Variants in PHF24 observed in about 807,000 individuals in gnomAD.
PHF24 encodes PHD finger protein 24.
PHF24 carries 25 observed loss-of-function variants against 42.6 expected under a neutral mutation model. The ratio of observed to expected loss-of-function variants is 0.59; its 90% CI spans 0.43 to 0.82. The LOEUF (loss-of-function observed/expected upper bound fraction) is 0.82. Ranked by LOEUF, PHF24 falls within the 40% of genes least tolerant of loss-of-function variation. The pLI is 0.00. For synonymous variants in PHF24, 185 were observed against 204.8 expected (o/e 0.90, Z 0.83); for missense variants, 470 against 538.1 (o/e 0.87, Z 1.25).
chr9:34,842,930 G>A, the PHF24 span, among the ~76,000 whole-genome samples: 1 of 152,200 alleles, frequency 6.6e-6, no homozygotes, highest in Non-Finnish European at 1.5e-5. Flanking sequence ...ATGTGTAATG[G>A]TATCACTTTG....
chr9:34,825,819 C>T, the PHF24 span, among the ~76,000 whole-genome samples: 4 of 152,096 alleles, frequency 2.6e-5, no homozygotes, highest in Admixed American at 2.0e-4. Context: ...GGCCCCTCAC[C>T]GTATCTTCCC....
At chr9:34,959,814 A>C (rs972671485) in intron 1 of PHF24, among the ~76,000 whole-genome samples, 1 of 152,138 alleles carries the variant, frequency 6.6e-6, no homozygotes, top group African/African-American at 2.4e-5. Flanking sequence ...GAGTGTCCCA[A>C]GACCACCCTA....
At chr9:34,692,909 C>T in the PHF24 span, among the ~76,000 whole-genome samples, 60 of 151,410 alleles carry the variant, frequency 4.0e-4, no homozygotes, top group African/African-American at 1.4e-3. Context: ...GCCTCAGCCT[C>T]CTGAGTAGCT....
At chr9:34,718,327 C>G in the PHF24 span, among the ~76,000 whole-genome samples, 1 of 152,204 alleles carries the variant, frequency 6.6e-6, no homozygotes, top group African/African-American at 2.4e-5. Context: ...CCTTCCCAGG[C>G]CCCCCTCTCC....
At chr9:34,939,144 G>A in the PHF24 span, among the ~76,000 whole-genome samples, 3 of 152,068 alleles carry the variant, frequency 2.0e-5, no homozygotes, top group East Asian at 1.9e-4. Context: ...ACCGGCCGTG[G>A]TGGCGCATGC....
chr9:34,673,502 G>A, the PHF24 span, among the ~76,000 whole-genome samples: 2 of 151,750 alleles, frequency 1.3e-5, no homozygotes, highest in African/African-American at 4.8e-5. Context: ...ATGGAGCCTC[G>A]CTCTGTTGCC....
At chr9:34,709,674 G>T in the PHF24 span, 1 of 1,613,846 alleles carries the variant, frequency 6.2e-7, no homozygotes, top group Non-Finnish European at 8.5e-7. Context: ...GCGCTTGCGG[G>T]GCAAGAACCT....
the PHF24 span, among the ~76,000 whole-genome samples, chr9:34,845,963 T>C: frequency 6.6e-6 from 1 of 152,294 alleles, no homozygotes; most frequent in African/African-American, 2.4e-5. Context: ...TATTCCATGG[T>C]GTATATGTGC....
the PHF24 span, among the ~76,000 whole-genome samples, chr9:34,878,412 G>A: frequency 5.9e-5 from 9 of 152,174 alleles, no homozygotes; most frequent in South Asian, 6.2e-4. Flanking sequence ...GAAGCAGGGC[G>A]GGGCATTGCC....
At chr9:34,723,911 T>A in the PHF24 span, 1 of 1,551,600 alleles carries the variant, frequency 6.4e-7, no homozygotes, top group Non-Finnish European at 8.7e-7. Flanking sequence ...GGGGCTGTGT[T>A]GACAGGGATC....
the PHF24 span, among the ~76,000 whole-genome samples, chr9:34,810,943 A>G: frequency 3.3e-5 from 5 of 152,184 alleles, no homozygotes; most frequent in Admixed American, 6.5e-5. Flanking sequence ...TTGACCGTCC[A>G]GAAGGAAGCA....
At chr9:34,937,043 CCG>C in the PHF24 span, among the ~76,000 whole-genome samples, 4 of 147,246 alleles carry the variant, frequency 2.7e-5, no homozygotes, top group South Asian at 2.2e-4. Flanking sequence ...AGCCCCCCCC[CCG>C]GGCCAGCCGC....
At chr9:34,794,959 GA>G in the PHF24 span, among the ~76,000 whole-genome samples, 1 of 151,884 alleles carries the variant, frequency 6.6e-6, no homozygotes, top group East Asian at 1.9e-4. Context: ...AAAATACAAA[GA>G]TACAATTTCA....
chr9:34,760,242 A>G, the PHF24 span, among the ~76,000 whole-genome samples: 2 of 152,232 alleles, frequency 1.3e-5, no homozygotes, highest in African/African-American at 4.8e-5. Context: ...AATGATTGCA[A>G]TAGAATTTCT....
chr9:34,759,378 T>C, the PHF24 span, among the ~76,000 whole-genome samples: 7 of 152,152 alleles, frequency 4.6e-5, no homozygotes, highest in Admixed American at 4.6e-4. Flanking sequence ...ATGGCCCTTG[T>C]TTTTTCCCTC....
At chr9:34,869,577 C>T in the PHF24 span, among the ~76,000 whole-genome samples, 1 of 152,038 alleles carries the variant, frequency 6.6e-6, no homozygotes, top group Non-Finnish European at 1.5e-5. Flanking sequence ...AGAACAGCTC[C>T]CCCTGCCTCC....
chr9:34,705,760 AC>A, the PHF24 span, among the ~76,000 whole-genome samples: 1 of 151,990 alleles, frequency 6.6e-6, no homozygotes, highest in Non-Finnish European at 1.5e-5. Flanking sequence ...TGGTTTTATG[AC>A]TTGTTTAAGA....
chr9:34,689,948 C>G, the PHF24 span: 1 of 1,614,118 alleles, frequency 6.2e-7, no homozygotes, highest in Non-Finnish European at 8.5e-7. The surrounding 1 kb of genome is among the most constrained non-coding windows in gnomAD (Gnocchi z 4.1). Flanking sequence ...AGGTCCTCTG[C>G]AGTCTCTGGA....
chr9:34,886,758 G>GTCTA, the PHF24 span, among the ~76,000 whole-genome samples: 1 of 145,824 alleles, frequency 6.9e-6, no homozygotes, highest in African/African-American at 2.8e-5. Flanking sequence ...CTATCTATCT[G>GTCTA]TCTGTCTGTC....
Sources: gnomAD v4.1 joint callset for allele counts (sites outside exome capture counted in the v4.1 genomes callset) on GRCh38, gnomAD v4.1.1 for gene constraint, Gnocchi (gnomAD v3.1) non-coding constraint, MANE v1.5 for transcripts, NCBI Gene and HGNC (gene_info 2026-07-23, HGNC 2026-07-21) for gene names.